PCDH11X: variants seen among roughly 807,000 people sequenced by gnomAD.
PCDH11X encodes the protein protocadherin 11 X-linked.
A neutral mutation model predicts 53.3 loss-of-function variants in PCDH11X; 18 were observed. The ratio of observed to expected loss-of-function variants is 0.34; its 90% CI spans 0.23 to 0.50. PCDH11X has a LOEUF of 0.50. Among genes scored for constraint, PCDH11X ranks in the 20% least tolerant of loss-of-function variants. The pLI, the probability that PCDH11X is intolerant of heterozygous loss-of-function variation, is 0.98. For missense variants in PCDH11X, 570 were observed against 1,032.4 expected (o/e 0.55, Z 6.14); for synonymous variants, 279 against 393.3 (o/e 0.71, Z 3.44).
At chrX:92,042,545 C>T (rs1156679449) in intron 6 of PCDH11X, among the ~76,000 whole-genome samples, 3 of 103,819 alleles carry the variant, frequency 2.9e-5, no homozygotes, top group African/African-American at 1.1e-4. Flanking sequence ...TCTCAATGAA[C>T]TACATTTAGC....
At chrX:92,092,563 C>T (rs1220903370) in intron 6 of PCDH11X, among the ~76,000 whole-genome samples, 1 of 111,019 alleles carries the variant, frequency 9.0e-6, no homozygotes, top group African/African-American at 3.3e-5. Flanking sequence ...CAAGACAACT[C>T]GAAGCAAAAG....
chrX:92,260,129 C>T (rs1354844148), intron 7 of PCDH11X, among the ~76,000 whole-genome samples: 1 of 110,275 alleles, frequency 9.1e-6, no homozygotes, highest in East Asian at 2.9e-4. Flanking sequence ...GCCCCTCAGC[C>T]CACTGTCTCT....
chrX:92,428,010 T>C (rs1296355394), intron 9 of PCDH11X, among the ~76,000 whole-genome samples: 2 of 97,519 alleles, frequency 2.1e-5, no homozygotes, highest in Admixed American at 2.4e-4. Context: ...AAAAGAGATA[T>C]GGAAAATTTT....
At chrX:92,498,427 G>A (rs1164586819) in intron 10 of PCDH11X, among the ~76,000 whole-genome samples, 1 of 110,791 alleles carries the variant, frequency 9.0e-6, no homozygotes, top group Non-Finnish European at 1.9e-5. Context: ...ATGTGCTGGA[G>A]TATCCCTAAT....
chrX:91,794,734 GT>G (rs1173493719), intron 1 of PCDH11X, among the ~76,000 whole-genome samples: 6 of 106,272 alleles, frequency 5.6e-5, no homozygotes, highest in Non-Finnish European at 5.8e-5. Flanking sequence ...GGAATTTCTA[GT>G]TTATTTGATT....
At chrX:91,788,952 C>A (rs1227209296) in intron 1 of PCDH11X, among the ~76,000 whole-genome samples, 3 of 111,578 alleles carry the variant, frequency 2.7e-5, no homozygotes, top group African/African-American at 6.5e-5. Context: ...GTAATCCCAG[C>A]ACTTTGGGAG....
chrX:92,044,422 C>T (rs1319914925), intron 6 of PCDH11X, among the ~76,000 whole-genome samples: 7 of 107,817 alleles, frequency 6.5e-5, no homozygotes, highest in Non-Finnish European at 1.3e-4. Flanking sequence ...TATAGATTAA[C>T]AAAAAGTTTA....
intron 8 of PCDH11X, among the ~76,000 whole-genome samples, chrX:92,375,166 A>ATATATATATCTTT (rs1302181048): frequency 1.2e-4 from 1 of 8,261 alleles, no homozygotes; most frequent in Non-Finnish European, 1.9e-4. Context: ...ATATATATAT[A>ATATATATATCTTT]TTTTTTTTTT....
At chrX:92,532,422 G>A (rs1251148241) in intron 10 of PCDH11X, among the ~76,000 whole-genome samples, 2 of 109,118 alleles carry the variant, frequency 1.8e-5, no homozygotes, top group Non-Finnish European at 3.8e-5. Context: ...CTGCATTTAA[G>A]CATATATGAG....
chrX:91,946,599 A>ATATATATATATATG (rs58031232), intron 6 of PCDH11X, among the ~76,000 whole-genome samples: 2 of 76,105 alleles, frequency 2.6e-5, no homozygotes, highest in Non-Finnish European at 5.0e-5. Context: ...ATATATATAT[A>ATATATATATATATG]GCTATTTAAA....
intron 10 of PCDH11X, among the ~76,000 whole-genome samples, chrX:92,581,736 G>T (rs1923733473): frequency 8.9e-6 from 1 of 111,748 alleles, no homozygotes; most frequent in South Asian, 3.8e-4. Context: ...GATTGGAACA[G>T]TTTGGAGGGC....
At chrX:92,208,508 A>AATATATATATATATATAT (rs58212809) in intron 7 of PCDH11X, among the ~76,000 whole-genome samples, 1,090 of 30,454 alleles carry the variant, frequency 0.036, 145 homozygotes, top group Middle Eastern at 0.061. Flanking sequence ...CCCTGAAACT[A>AATATATATATATATATAT]ATATATATAT....
intron 10 of PCDH11X, among the ~76,000 whole-genome samples, chrX:92,559,915 G>A (rs1333023924): frequency 9.0e-6 from 1 of 111,234 alleles, no homozygotes; most frequent in Non-Finnish European, 1.9e-5. Context: ...CCTAGTGCTA[G>A]GCTGGGCTTA....
chrX:92,157,762 A>G (rs1457277671), intron 6 of PCDH11X, among the ~76,000 whole-genome samples: 1 of 111,976 alleles, frequency 8.9e-6, no homozygotes, highest in Admixed American at 9.5e-5. Context: ...TGCTTTCATT[A>G]TCAAGATTTT....
At chrX:91,891,201 A>G (rs1433958053) in intron 6 of PCDH11X, among the ~76,000 whole-genome samples, 4 of 105,810 alleles carry the variant, frequency 3.8e-5, no homozygotes, top group Non-Finnish European at 5.8e-5. Context: ...GCATCTTTCA[A>G]CTGGAATACA....
chrX:91,988,797 G>A (rs1242473040), intron 6 of PCDH11X, among the ~76,000 whole-genome samples: 2 of 111,488 alleles, frequency 1.8e-5, no homozygotes, highest in Non-Finnish European at 3.8e-5. Flanking sequence ...GTGCAGATCC[G>A]GAACTCAATA....
chrX:92,514,227 T>G (rs1193180526), intron 10 of PCDH11X, among the ~76,000 whole-genome samples: 1 of 105,850 alleles, frequency 9.4e-6, no homozygotes, highest in African/African-American at 3.4e-5. Context: ...GATATATACC[T>G]AGGAGTGAAA....
intron 6 of PCDH11X, among the ~76,000 whole-genome samples, chrX:91,890,180 GATATGTTTGCAT>G (rs1167527522): frequency 9.0e-6 from 1 of 110,716 alleles, no homozygotes; most frequent in African/African-American, 3.3e-5. Context: ...TGTGAGCACA[GATATGTTTGCAT>G]ATATGTGTGC....
intron 7 of PCDH11X, among the ~76,000 whole-genome samples, chrX:92,230,571 A>G (rs928839159): frequency 5.3e-5 from 5 of 95,217 alleles, no homozygotes; most frequent in Non-Finnish European, 1.0e-4. Flanking sequence ...AAATACATAT[A>G]TAATATATAT....
Sources: allele counts gnomAD v4.1 joint callset (sites outside exome capture counted in the v4.1 genomes callset), GRCh38; gene constraint gnomAD v4.1.1; transcripts MANE v1.5; gene names NCBI Gene and HGNC (gene_info 2026-07-23, HGNC 2026-07-21).